METTL2A: variants seen among roughly 807,000 people sequenced by gnomAD.
The protein encoded by METTL2A is methyltransferase 2A, tRNA N3-cytidine, also known as tRNA N(3)-cytidine methyltransferase METTL2A.
A neutral mutation model predicts 49.4 loss-of-function variants in METTL2A; 45 were observed. The observed-to-expected ratio is 0.91, with a 90% CI of 0.72 to 1.17. The LOEUF is 1.17. Among genes scored for constraint, METTL2A ranks in the 50% most tolerant of loss-of-function variants. The pLI is 0.00. For synonymous variants in METTL2A, 118 were observed against 167.5 expected (o/e 0.70, Z 2.28); for missense variants, 361 against 462.2 (o/e 0.78, Z 2.01).
chr17:62,430,842 C>A (rs1231061327), intron 4 of METTL2A, among the ~76,000 whole-genome samples: 1 of 152,044 alleles, frequency 6.6e-6, no homozygotes. Flanking sequence ...CCACGCCCAG[C>A]TAATTTTTGT....
intron 2 of METTL2A, among the ~76,000 whole-genome samples, 196 bp from the exon 3 acceptor site, chr17:62,426,103 G>A (rs556508632): frequency 1.3e-5 from 2 of 152,038 alleles, no homozygotes; most frequent in Non-Finnish European, 2.9e-5. Flanking sequence ...CTATAATGAC[G>A]GATAGGGGCA....
At chr17:62,448,379 G>A (rs1418324742) in intron 8 of METTL2A, among the ~76,000 whole-genome samples, 196 bp from the exon 9 acceptor site, 4 of 151,954 alleles carry the variant, frequency 2.6e-5, no homozygotes, top group East Asian at 1.9e-4. Context: ...AGAAAAAACC[G>A]CGGCCCATAC....
At chr17:62,435,375 G>A in intron 5 of METTL2A, 83 bp downstream of exon 5, 1 of 1,585,660 alleles carries the variant, frequency 6.3e-7, no homozygotes, top group Non-Finnish European at 8.6e-7. Flanking sequence ...GTCTCTGGCT[G>A]TGTTCTTATA....
At position 62,451,323 on chromosome 17, in the gene METTL2A, T is replaced by C. The variant is rs903513187; in HGVS notation, c.*2594T>C. ...CACCATTCCCGGCTAATTTTTTGTA[T>C]TTTTAGTAGAGACAGAGTTTCTCCA... On this transcript the variant is annotated 3_prime_UTR_variant, in exon 9 of 9. Coordinates refer to ENST00000311506, the MANE Select transcript of METTL2A (RefSeq NM_181725.4). Among the ~76,000 whole-genome samples, 1 of 151,650 alleles carries C rather than the reference T, an allele frequency of 6.6e-6. No individual in the cohort carries two copies. Among genetic ancestry groups the C allele is most frequent in the African/African-American group, 2.4e-5 (1 of 41,360 alleles).
At chr17:62,442,013 C>A (rs1567736921) in intron 6 of METTL2A, among the ~76,000 whole-genome samples, 1 of 152,088 alleles carries the variant, frequency 6.6e-6, no homozygotes, top group African/African-American at 2.4e-5. Flanking sequence ...CACGGCCTCC[C>A]AAAGTGCTGG....
intron 5 of METTL2A, 107 bp downstream of exon 5, chr17:62,435,399 T>C: frequency 2.0e-6 from 3 of 1,510,338 alleles, no homozygotes; most frequent in East Asian, 4.5e-5. Context: ...TCTGTGTTCT[T>C]ACGGTCTAAA....
intron 5 of METTL2A, among the ~76,000 whole-genome samples, chr17:62,440,006 G>A (rs911650537): frequency 2.0e-5 from 3 of 148,380 alleles, no homozygotes; most frequent in Non-Finnish European, 4.4e-5. Flanking sequence ...AGTAATTGTC[G>A]TTTTTGCCGT....
intron 4 of METTL2A, among the ~76,000 whole-genome samples, chr17:62,429,950 C>T (rs150761799): frequency 0.026 from 3,915 of 152,288 alleles, 60 homozygotes; most frequent in Non-Finnish European, 0.038. Flanking sequence ...GGATTACAGG[C>T]GTGAGCCATG....
At chr17:62,427,894 G>T in intron 4 of METTL2A, 57 bp downstream of exon 4, 1 of 1,515,936 alleles carries the variant, frequency 6.6e-7, no homozygotes, top group Non-Finnish European at 9.0e-7. Context: ...AGGTTGGCTG[G>T]GCGCATTGCT....
At chr17:62,428,365 C>T (rs746019346) in intron 4 of METTL2A, among the ~76,000 whole-genome samples, 5 of 152,168 alleles carry the variant, frequency 3.3e-5, no homozygotes, top group Admixed American at 6.5e-5. Flanking sequence ...ACCAAATGTG[C>T]GGGGTTTTTG....
intron 2 of METTL2A, 28 bp downstream of exon 2, chr17:62,424,338 T>C (rs1453047001): frequency 1.9e-6 from 3 of 1,613,546 alleles, no homozygotes; most frequent in Non-Finnish European, 1.7e-6. Context: ...CTCATTGGTA[T>C]CAACAGCCAG....
At position 62,452,699 on chromosome 17, in the gene METTL2A, G is replaced by A. The variant is rs139255931; in HGVS notation, c.*3970G>A. Among the ~76,000 whole-genome samples the A allele has an allele frequency of 0.021, 3,125 of 152,186 alleles. 126 individuals carry two copies. Among genetic ancestry groups the A allele is most frequent in the African/African-American group, 0.071 (2,942 of 41,514 alleles). On this transcript the variant is annotated 3_prime_UTR_variant, in exon 9 of 9. Coordinates refer to ENST00000311506, the MANE Select transcript of METTL2A (RefSeq NM_181725.4). ...CACGATCACTGCTCACTGCAGCCTC[G>A]ACCTCCCAGGCTCAGGTGATTCTCC...
intron 4 of METTL2A, among the ~76,000 whole-genome samples, chr17:62,430,910 G>C (rs2070660403): frequency 6.6e-6 from 1 of 152,146 alleles, no homozygotes; most frequent in African/African-American, 2.4e-5. Flanking sequence ...TTGTTGCCCA[G>C]GCTGGAGTGC....
chr17:62,441,205 G>C (rs892954868), intron 6 of METTL2A, among the ~76,000 whole-genome samples: 1 of 152,238 alleles, frequency 6.6e-6, no homozygotes, highest in Non-Finnish European at 1.5e-5. Flanking sequence ...AGTGATGTGA[G>C]CATCTCAGCC....
At position 62,426,229 on chromosome 17, in the gene METTL2A, A is replaced by T. The variant is rs2070625240; in HGVS notation, c.203-70A>T. ...TTAAAGTGACATTTGGTAAAGCAGG[A>T]TAATTGATATTAGATATAAATAAAA... is the stretch of plus-strand genomic sequence containing the variant. On this transcript the variant is annotated intron_variant, in intron 2 of 8. Coordinates refer to ENST00000311506, the MANE Select transcript of METTL2A (RefSeq NM_181725.4). 3 of 1,420,318 alleles carry T rather than the reference A, an allele frequency of 2.1e-6. No homozygotes were observed. In the South Asian group the frequency reaches 4.1e-5, roughly 19 times the overall value. 88.0% of individuals were successfully genotyped at this position (1,420,318 alleles called of 1,614,324 possible). A position where few individuals can be genotyped will look rare whatever the true frequency, so the allele number is the denominator to read the frequency against.
At chr17:62,437,574 C>T (rs979561385) in intron 5 of METTL2A, among the ~76,000 whole-genome samples, 2 of 152,152 alleles carry the variant, frequency 1.3e-5, no homozygotes, top group East Asian at 3.9e-4. Context: ...CTAGTTAACA[C>T]AACCTAGCTG....
At chr17:62,444,577 G>A (rs2070756678) in intron 6 of METTL2A, among the ~76,000 whole-genome samples, 1 of 152,224 alleles carries the variant, frequency 6.6e-6, no homozygotes, top group Non-Finnish European at 1.5e-5. Flanking sequence ...ACCGCACCCG[G>A]CCAGGAGCAG....
chr17:62,424,332 T>C lies in METTL2A; in HGVS notation c.202+22T>C, dbSNP rs137924777. The C allele has an allele frequency of 4.6e-4, 743 of 1,613,688 alleles. 4 individuals are homozygous for C. In the African/African-American group the frequency reaches 7.8e-3, roughly 17 times the overall value. On this transcript the variant is annotated intron_variant, in intron 2 of 8. Coordinates refer to ENST00000311506, the MANE Select transcript of METTL2A (RefSeq NM_181725.4). Reference sequence around the variant, plus strand: ...CAAGGTGCGCTTAAATGGGCTCTCATTGGTATCAACAGCCAGCGTACTGCC... The same window carrying C: ...CAAGGTGCGCTTAAATGGGCTCTCACTGGTATCAACAGCCAGCGTACTGCC...
chr17:62,441,715 G>A (rs1437213481), intron 6 of METTL2A, among the ~76,000 whole-genome samples: 1 of 148,870 alleles, frequency 6.7e-6, no homozygotes, highest in African/African-American at 2.5e-5. Context: ...AAAATGCTGG[G>A]ATTACAGGCA....
Sources: gnomAD v4.1 joint callset for allele counts (sites outside exome capture counted in the v4.1 genomes callset) on GRCh38, gnomAD v4.1.1 for gene constraint, MANE v1.5 for transcripts, NCBI Gene and HGNC (gene_info 2026-07-23, HGNC 2026-07-21) for gene names.